Variants in CCDC112 observed in about 807,000 individuals in gnomAD.
CCDC112 encodes the protein coiled-coil domain-containing protein 112.
CCDC112 carries 40 observed loss-of-function variants against 66.3 expected under a neutral mutation model. The ratio of observed to expected loss-of-function variants is 0.60; its 90% CI spans 0.47 to 0.79. The LOEUF (loss-of-function observed/expected upper bound fraction) is 0.79, where lower values mean the gene tolerates loss of function less well. CCDC112 is among the 30% of genes least tolerant of loss of function. The pLI is 0.00. For missense variants in CCDC112, 659 were observed against 603.8 expected (o/e 1.09, Z -0.96); for synonymous variants, 214 against 197.2 (o/e 1.09, Z -0.71).
chr5:115,275,982 T>C lies in CCDC112; in HGVS notation c.527+12A>G. On this transcript the variant is annotated intron_variant, in intron 5 of 9. Transcript: ENST00000379611. ...GTCAATAATTTTATATTAAAATGAG[T>C]TTAAAACATACATCAACCTCTGCTC... 1 of 1,553,360 alleles carries C rather than the reference T, an allele frequency of 6.4e-7. No homozygotes were observed. Among genetic ancestry groups the C allele is most frequent in the Non-Finnish European group, 8.8e-7 (1 of 1,134,870 alleles).
intron 1 of CCDC112, among the ~76,000 whole-genome samples, chr5:115,286,725 A>G (rs1375902769): frequency 6.6e-6 from 1 of 151,964 alleles, no homozygotes; most frequent in Non-Finnish European, 1.5e-5. Context: ...CAGCCTGGGA[A>G]ACATAGCAAG....
At chr5:115,288,912 T>C (rs1309232304) in intron 1 of CCDC112, 1 of 447,512 alleles carries the variant, frequency 2.2e-6, no homozygotes, top group Non-Finnish European at 4.5e-6. Flanking sequence ...AGATAGTTGA[T>C]AAAAATATTC....
At position 115,267,883 on chromosome 5, in the gene CCDC112, C is replaced by G; in HGVS notation, c.1583G>C (p.Arg528Thr). The G allele has an allele frequency of 6.2e-7, 1 of 1,611,308 alleles. No homozygotes were observed. Among genetic ancestry groups the G allele is most frequent in the Non-Finnish European group, 8.5e-7 (1 of 1,177,656 alleles). Reference sequence around the variant, plus strand: ...AGTAGCAATTTGATTATCTCATACTCTTCTCTGTATTCCTTGTCTCCAGGT... The same window carrying G: ...AGTAGCAATTTGATTATCTCATACTGTTCTCTGTATTCCTTGTCTCCAGGT... ...IPTWRQGIQR[R>T]V is the part of the protein sequence containing the mutation. The change falls in exon 10 of 10, where the codon AGA becomes ACA. Residue 528 changes from arginine (R) to threonine (T), a missense_variant. Arg to Thr is a moderately conservative substitution (Grantham distance 71). Transcript: ENST00000379611.
At chr5:115,284,587 TA>T (rs1382420595) in intron 2 of CCDC112, among the ~76,000 whole-genome samples, 199 bp downstream of exon 2, 1 of 152,148 alleles carries the variant, frequency 6.6e-6, no homozygotes, top group Non-Finnish European at 1.5e-5. Flanking sequence ...AAAATTGAAA[TA>T]ACTCTATTTA....
chr5:115,279,534 C>T, intron 3 of CCDC112, 113 bp downstream of exon 3: 2 of 1,061,576 alleles, frequency 1.9e-6, no homozygotes, highest in South Asian at 2.7e-5. Context: ...CAATAGAGAA[C>T]TGACTCTATT....
intron 8 of CCDC112, 179 bp downstream of exon 8, chr5:115,269,524 C>A: frequency 3.8e-6 from 2 of 527,582 alleles, no homozygotes; most frequent in Non-Finnish European, 3.3e-6. Context: ...TGACAGAATT[C>A]AAATAATGGT....
intron 6 of CCDC112, 21 bp downstream of exon 6, chr5:115,275,195 A>C: frequency 6.5e-7 from 1 of 1,539,458 alleles, no homozygotes; most frequent in Non-Finnish European, 8.9e-7. Context: ...CAGAATGAAT[A>C]ATAGCTATTA....
Position 115,289,553 on chromosome 5 carries a change from G to A in CCDC112, c.118-4645C>T, listed in dbSNP as rs111452109. Among the ~76,000 whole-genome samples the A allele has an allele frequency of 1.7e-3, 256 of 152,308 alleles. 2 individuals carry two copies. Among genetic ancestry groups the A allele is most frequent in the Middle Eastern group, 3.4e-3 (1 of 294 alleles). On this transcript the variant is annotated intron_variant, in intron 1 of 9. Transcript: ENST00000379611. ...AATTCTTACTCTATTTTATAGAATG[G>A]GATGCTGCCCCAATTCATGAATCGC...
intron 7 of CCDC112, among the ~76,000 whole-genome samples, chr5:115,270,297 T>C (rs1187339186): frequency 6.6e-6 from 1 of 152,196 alleles, no homozygotes; most frequent in Non-Finnish European, 1.5e-5. Flanking sequence ...TTATTTTTCT[T>C]TGTACCTCCC....
chr5:115,285,773 G>T (rs1749649075), intron 1 of CCDC112, among the ~76,000 whole-genome samples: 1 of 152,098 alleles, frequency 6.6e-6, no homozygotes, highest in East Asian at 1.9e-4. Context: ...TTGATGGGAG[G>T]TGTGGGGGTG....
At chr5:115,295,121 A>C (rs947196615) in intron 1 of CCDC112, among the ~76,000 whole-genome samples, 8 of 152,184 alleles carry the variant, frequency 5.3e-5, no homozygotes, top group Non-Finnish European at 1.0e-4. Flanking sequence ...ACAGCCAAAA[A>C]TGTCTCCAAA....
chr5:115,276,115 G>T, intron 4 of CCDC112, 46 bp from the exon 5 acceptor site: 2 of 1,322,660 alleles, frequency 1.5e-6, no homozygotes, highest in Non-Finnish European at 2.1e-6. Context: ...TTTCCCATAT[G>T]GCTAAAAGTT....
chr5:115,291,596 T>C (rs981292472), intron 1 of CCDC112, among the ~76,000 whole-genome samples: 14 of 152,192 alleles, frequency 9.2e-5, no homozygotes, highest in African/African-American at 3.4e-4. Flanking sequence ...TATTTACCTA[T>C]ATATTTGCAG....
intron 6 of CCDC112, among the ~76,000 whole-genome samples, chr5:115,273,823 A>G (rs1749096681): frequency 6.6e-6 from 1 of 152,212 alleles, no homozygotes; most frequent in Non-Finnish European, 1.5e-5. Flanking sequence ...TCTAGGGACC[A>G]CTTTGAGAAT....
intron 1 of CCDC112, among the ~76,000 whole-genome samples, chr5:115,294,017 C>A (rs577115489): frequency 6.6e-6 from 1 of 152,074 alleles, no homozygotes; most frequent in Admixed American, 6.5e-5. Context: ...TAGAGATTTG[C>A]GGTCTTCAGT....
chr5:115,287,287 C>T (rs1293866262), intron 1 of CCDC112, among the ~76,000 whole-genome samples: 1 of 152,126 alleles, frequency 6.6e-6, no homozygotes, highest in East Asian at 1.9e-4. Context: ...TGATGTTGAG[C>T]ATTTTTTTCA....
chr5:115,295,889 A>C, intron 1 of CCDC112: 1 of 985,540 alleles, frequency 1.0e-6, no homozygotes, highest in Middle Eastern at 5.2e-4. Context: ...CGCTGAGCTG[A>C]TAACATCTGA....
chr5:115,282,936 T>G (rs1181656064), intron 2 of CCDC112, among the ~76,000 whole-genome samples: 1 of 151,954 alleles, frequency 6.6e-6, no homozygotes, highest in East Asian at 1.9e-4. Context: ...TTTCAGTGAG[T>G]TTTTCCAATG....
rs370703459 is a variant in CCDC112 at position 115,268,567 on chromosome 5, G to A, written c.1547+315C>T. On this transcript the variant is annotated intron_variant, in intron 9 of 9. Coordinates refer to ENST00000379611, the MANE Select transcript of CCDC112 (RefSeq NM_001040440.3). ...ATTACAGGCGTAAGCCACTGCACCC[G>A]ACCTACTTTTACTTTTATCTACTGT... 1.3e-4 allele frequency among the ~76,000 whole-genome samples: 20 copies of A among 151,150 alleles called. No individual in the cohort carries two copies. In the East Asian group the frequency reaches 3.3e-3, roughly 25 times the overall value.
Sources: gnomAD v4.1 joint callset for allele counts (sites outside exome capture counted in the v4.1 genomes callset) on GRCh38, gnomAD v4.1.1 for gene constraint, MANE v1.5 for transcripts, NCBI Gene and HGNC (gene_info 2026-07-23, HGNC 2026-07-21) for gene names.